IPO13: variants seen among roughly 807,000 people sequenced by gnomAD.
The protein encoded by IPO13 is importin 13.
Under a neutral mutation model 115.5 loss-of-function variants are expected in IPO13, and 28 were observed. The ratio of observed to expected loss-of-function variants is 0.24; its 90% CI spans 0.18 to 0.33. The LOEUF is 0.33. IPO13 is among the 10% of genes least tolerant of loss of function. The pLI is 1.00. For synonymous variants in IPO13, 414 were observed against 478.9 expected (o/e 0.86, Z 1.77); for missense variants, 785 against 1,204.6 (o/e 0.65, Z 5.16).
In IPO13 at chr1:43,947,641, G is replaced by T; in HGVS notation, c.41G>T (p.Gly14Val). The T allele has an allele frequency of 7.5e-7, 1 of 1,335,388 alleles. No homozygotes were observed. The highest frequency in any genetic ancestry group is 3.7e-5 in the Admixed American group (1 of 26,696). The allele number at this position is 1,335,388 out of a possible 1,614,324, so 82.7% of individuals were successfully genotyped here. Residue 14 changes from glycine (G) to valine (V), a missense_variant, in exon 1 of 20, where the codon GGA becomes GTA. Gly to Val is a moderately radical substitution (Grantham distance 109). Around this residue, in one of 3 missense-constraint regions of IPO13, gnomAD observed 325 missense variants for 449.8 expected, o/e 0.72. Coordinates refer to ENST00000372343, the MANE Select transcript of IPO13 (RefSeq NM_014652.4). ...GAGCAGCCGGGGGCTGCAGGGGCTGGAGCAGCACCAGCCTTGGACTTCACT... is the reference window on the plus strand; with the variant it reads ...GAGCAGCCGGGGGCTGCAGGGGCTGTAGCAGCACCAGCCTTGGACTTCACT... The part of the protein sequence containing the change: ...REEQPGAAGA[G>V]AAPALDFTVE...
At chr1:43,948,524 G>A (rs944439877) in intron 1 of IPO13, among the ~76,000 whole-genome samples, 19 of 152,198 alleles carry the variant, frequency 1.2e-4, no homozygotes, top group African/African-American at 3.6e-4. Context: ...CTGCTTTGGC[G>A]TCCCTGAGGG....
chr1:43,947,329 C>A lies in IPO13; in HGVS notation c.-272C>A, dbSNP rs1225435394. The A allele has an allele frequency of 2.5e-6, 1 of 399,130 alleles. No homozygotes were observed. The highest frequency in any genetic ancestry group is 3.6e-5 in the East Asian group (1 of 28,078). 24.7% of individuals were successfully genotyped at this position (399,130 alleles called of 1,614,324 possible). ...ATTCTGGGGACAGAGCTGTTACCTG[C>A]CACTAGGATCCCCGCCTGAGAGCTC... On this transcript the variant is annotated 5_prime_UTR_variant, in exon 1 of 20. Transcript: ENST00000372343.
rs1375291343 is a variant in IPO13 at position 43,956,633 on chromosome 1, A to G, written c.1036A>G (p.Ile346Val). The G allele has an allele frequency of 6.2e-7, 1 of 1,614,228 alleles. No homozygotes were observed. Among genetic ancestry groups the G allele is most frequent in the South Asian group, 1.1e-5 (1 of 91,086 alleles). Residue 346 changes from isoleucine to valine, a missense_variant, in exon 4 of 20, where the codon ATC (isoleucine) becomes GTC (valine). By Grantham distance (29) the Ile-to-Val change is conservative. Around this residue, in one of 3 missense-constraint regions of IPO13, gnomAD observed 325 missense variants for 449.8 expected, o/e 0.72. Coordinates refer to ENST00000372343, the MANE Select transcript of IPO13 (RefSeq NM_014652.4). This position sits in a 1 kb window ranked among gnomAD's most constrained non-coding sequence, Gnocchi z 4.7. ...CAACATGATTATGTTCTGCACAGGC[A>G]TCCCTGGCCACTATCCTGTCAATGA... ...LVNMIMFCTGIPGHYPVNETT... is the reference protein window; with the variant it reads ...LVNMIMFCTGVPGHYPVNETT...
chr1:43,962,819 G>T (rs977615194), intron 14 of IPO13, among the ~76,000 whole-genome samples: 1 of 152,228 alleles, frequency 6.6e-6, no homozygotes, highest in Non-Finnish European at 1.5e-5. Context: ...ACAATAATCA[G>T]CTTTCATGTC....
chr1:43,960,324 G>A lies in IPO13; in HGVS notation c.2104G>A (p.Val702Met). ...CAAATGGTTGAATGATGCCCAGGTT[G>A]TGGAGGTGAGCCCTGACCCTTGCCC... ...LSKWLNDAQV[V>M]EAVCAIFEKS... The change falls in exon 12 of 20, where the codon GTG becomes ATG. Residue 702 changes from valine to methionine, a missense_variant. Physicochemically the swap from Val to Met is conservative, Grantham distance 21. This residue lies in a region of IPO13 where 285 missense variants were observed against 394.8 expected (regional missense o/e 0.72). Transcript: ENST00000372343. The A allele has an allele frequency of 6.2e-7, 1 of 1,614,144 alleles. No individual in the cohort carries two copies. The highest frequency in any genetic ancestry group is 8.5e-7 in the Non-Finnish European group (1 of 1,179,978).
intron 7 of IPO13, 94 bp from the exon 8 acceptor site, chr1:43,957,883 T>C: frequency 8.1e-7 from 1 of 1,237,274 alleles, no homozygotes; most frequent in South Asian, 1.3e-5. Context: ...GGGCTGCAAC[T>C]TGACCCTGCC....
Position 43,958,678 on chromosome 1 carries a change from G to A in IPO13, c.1885-68G>A. The A allele has an allele frequency of 3.1e-6, 5 of 1,612,368 alleles. No individual in the cohort carries two copies. Among genetic ancestry groups the A allele is most frequent in the South Asian group, 2.2e-5 (2 of 90,964 alleles). On this transcript the variant is annotated intron_variant, in intron 10 of 19. Coordinates refer to ENST00000372343, the MANE Select transcript of IPO13 (RefSeq NM_014652.4). This position sits in a 1 kb window ranked among gnomAD's most constrained non-coding sequence, Gnocchi z 6.3. ...GAGGTTGGAGCTGGCCCTCAGAGCT[G>A]AGGCTCAGTGATCTGGGGACCAAAC...
intron 11 of IPO13, among the ~76,000 whole-genome samples, chr1:43,959,294 C>G (rs187229534): frequency 5.8e-4 from 88 of 152,326 alleles, no homozygotes; most frequent in Non-Finnish European, 9.6e-4. Flanking sequence ...ATGCTCATTA[C>G]CTCCTCCGCA....
chr1:43,956,483 G>A lies in IPO13; in HGVS notation c.962+23G>A, dbSNP rs1166108585. ...CCGGTAAAGGGTGGAGCAGCTTGGG[G>A]TGGGATAGTAGGGCCCTCTAAGAAA... is the stretch of plus-strand genomic sequence containing the variant. On this transcript the variant is annotated intron_variant, in intron 3 of 19. Coordinates refer to ENST00000372343, the MANE Select transcript of IPO13 (RefSeq NM_014652.4). This position sits in a 1 kb window ranked among gnomAD's most constrained non-coding sequence, Gnocchi z 4.7. 3 of 1,614,076 alleles carry A rather than the reference G, an allele frequency of 1.9e-6. No homozygotes were observed. The highest frequency in any genetic ancestry group is 2.5e-6 in the Non-Finnish European group (3 of 1,180,036).
chr1:43,956,983 G>C lies in IPO13; in HGVS notation c.1271+7G>C. On this transcript the variant is annotated splice_region_variant and intron_variant, in intron 5 of 19. Transcript: ENST00000372343. This position sits in a 1 kb window ranked among gnomAD's most constrained non-coding sequence, Gnocchi z 4.7. ...AGCAGTTCCGAATTTACAGGTGATG[G>C]TAGCAGGCCAACTCCTCTAAAATGG... The C allele has an allele frequency of 6.2e-7, 1 of 1,613,646 alleles. No homozygotes were observed. The highest frequency in any genetic ancestry group is 8.5e-7 in the Non-Finnish European group (1 of 1,179,760).
chr1:43,953,837 G>A (rs2154302142), intron 2 of IPO13, among the ~76,000 whole-genome samples: 1 of 152,310 alleles, frequency 6.6e-6, no homozygotes, highest in Admixed American at 6.5e-5. Context: ...TGGAGATATG[G>A]GCTGAGACGT....
Position 43,966,510 on chromosome 1 carries a change from G to A in IPO13, c.2398-65G>A. 6.5e-7 allele frequency: 1 copy of A among 1,533,312 alleles called. No individual in the cohort carries two copies. The highest frequency in any genetic ancestry group is 9.0e-7 in the Non-Finnish European group (1 of 1,107,900). 95.0% of individuals were successfully genotyped at this position (1,533,312 alleles called of 1,614,324 possible). On this transcript the variant is annotated intron_variant, in intron 15 of 19. Transcript: ENST00000372343. This position sits in a 1 kb window ranked among gnomAD's most constrained non-coding sequence, Gnocchi z 4.1. ...TGTGAAGTTGGGGGCTGGGGTGGCAGGTGAGTGGGGGGGATGGTCCTTGGA... is the reference window on the plus strand; with the variant it reads ...TGTGAAGTTGGGGGCTGGGGTGGCAAGTGAGTGGGGGGGATGGTCCTTGGA...
chr1:43,957,124 G>C, intron 5 of IPO13, 71 bp from the exon 6 acceptor site: 1 of 1,584,448 alleles, frequency 6.3e-7, no homozygotes, highest in South Asian at 1.1e-5. Context: ...ACTGGGGTAG[G>C]CTCCTGGGCT....
At position 43,957,187 on chromosome 1, in the gene IPO13, C is replaced by T. The variant is rs1357600526; in HGVS notation, c.1272-8C>T. ...AGGCAGTATAAAAGGCCTTCATCTG[C>T]TTCTCAGGGTGGACATCTCAGACAC... On this transcript the variant is annotated splice_region_variant and splice_polypyrimidine_tract_variant and intron_variant, in intron 5 of 19. Coordinates refer to ENST00000372343, the MANE Select transcript of IPO13 (RefSeq NM_014652.4). 1 of 1,612,886 alleles carries T rather than the reference C, an allele frequency of 6.2e-7. No homozygotes were observed. Among genetic ancestry groups the T allele is most frequent in the Non-Finnish European group, 8.5e-7 (1 of 1,179,088 alleles).
Position 43,967,034 on chromosome 1 carries a change from AG to A in IPO13, c.2613+21del. The A allele has an allele frequency of 3.1e-6, 5 of 1,611,578 alleles. No homozygotes were observed. The highest frequency in any genetic ancestry group is 4.2e-6 in the Non-Finnish European group (5 of 1,178,044). On this transcript the variant is annotated intron_variant, in intron 18 of 19. Coordinates refer to ENST00000372343, the MANE Select transcript of IPO13 (RefSeq NM_014652.4). The surrounding 1 kb of genome is among the most constrained non-coding windows in gnomAD (Gnocchi z 6.1). ...CAGTGCTGGAGGTGAGACGGAGCAA[AG>A]GGGGGTTTGATGGGGGTGAGGGCCC...
intron 7 of IPO13, 59 bp from the exon 8 acceptor site, chr1:43,957,918 A>G: frequency 6.5e-7 from 1 of 1,545,612 alleles, no homozygotes; most frequent in Non-Finnish European, 8.9e-7. Flanking sequence ...CCTCAGAGAC[A>G]TGGTACAAAG....
In IPO13 at chr1:43,967,560, A is replaced by T. The variant is rs1230047602; in HGVS notation, c.2796-26A>T. On this transcript the variant is annotated intron_variant, in intron 19 of 19. Transcript: ENST00000372343. The surrounding 1 kb of genome is among the most constrained non-coding windows in gnomAD (Gnocchi z 6.1). ...GGGGGCAGTGGTGGTGGCTGGTGCT[A>T]ACCTGCTCTCCCTTTTCTCCTTCAG... 6.2e-7 allele frequency: 1 copy of T among 1,614,126 alleles called. No homozygotes were observed. Among genetic ancestry groups the T allele is most frequent in the Non-Finnish European group, 8.5e-7 (1 of 1,179,980 alleles).
chr1:43,960,146 G>T (rs2085279556), intron 11 of IPO13, 103 bp from the exon 12 acceptor site: 2 of 1,027,118 alleles, frequency 1.9e-6, no homozygotes, highest in Non-Finnish European at 1.5e-6. Context: ...GTGTTCTGGG[G>T]TAATAGGTCT....
intron 1 of IPO13, among the ~76,000 whole-genome samples, chr1:43,949,184 T>C (rs181417103): frequency 8.5e-4 from 129 of 152,258 alleles, no homozygotes; most frequent in African/African-American, 3.0e-3. Flanking sequence ...TCTGAACCCA[T>C]AATGTTTTGC....
Sources: allele counts gnomAD v4.1 joint callset (sites outside exome capture counted in the v4.1 genomes callset), GRCh38; gene constraint gnomAD v4.1.1; regional missense constraint gnomAD v4.1.1; non-coding constraint Gnocchi (gnomAD v3.1); transcripts MANE v1.5; gene names NCBI Gene and HGNC (gene_info 2026-07-23, HGNC 2026-07-21).